BICC1: variants seen among roughly 807,000 people sequenced by gnomAD.
The protein encoded by BICC1 is protein bicaudal C homolog 1.
A neutral mutation model predicts 111.0 loss-of-function variants in BICC1; 43 were observed. The ratio of observed to expected loss-of-function variants is 0.39; its 90% confidence interval spans 0.30 to 0.50. BICC1 has a LOEUF of 0.50. Among genes scored for constraint, BICC1 ranks in the 20% least tolerant of loss-of-function variants. The pLI, the probability that BICC1 is intolerant of heterozygous loss-of-function variation, is 0.88. For missense variants in BICC1, 1,091 were observed against 1,203.2 expected (o/e 0.91, Z 1.38); for synonymous variants, 467 against 434.4 (o/e 1.07, Z -0.93).
chr10:58,732,308 G>C (rs1841325757), intron 3 of BICC1, among the ~76,000 whole-genome samples: 1 of 146,564 alleles, frequency 6.8e-6, no homozygotes, highest in East Asian at 2.0e-4. Context: ...AGGAAAGAGA[G>C]AGGAGAAGAG....
intron 14 of BICC1, 90 bp downstream of exon 14, chr10:58,801,136 T>C: frequency 1.8e-6 from 2 of 1,127,316 alleles, no homozygotes; most frequent in Non-Finnish European, 2.4e-6. Context: ...TTGATTCAAG[T>C]CATGTTTGAT....
In BICC1 at chr10:58,796,336, A is replaced by T. The variant is rs999266905; in HGVS notation, c.1180-4A>T. ...CTTTTTTCCCCCATTATGTGTTTTC[A>T]TAGTCTGTGATTGTGAAAAGTGTTG... On this transcript the variant is annotated splice_polypyrimidine_tract_variant and splice_region_variant and intron_variant, in intron 9 of 20. Transcript: ENST00000373886. The T allele has an allele frequency of 1.9e-6, 3 of 1,611,840 alleles. No individual in the cohort carries two copies. The East Asian group carries it at 6.7e-5, about 36-fold the overall frequency.
chr10:58,556,987 G>A (rs1415681631), intron 1 of BICC1, among the ~76,000 whole-genome samples: 2 of 151,972 alleles, frequency 1.3e-5, no homozygotes, highest in African/African-American at 2.4e-5. Context: ...ATGTTACCTC[G>A]CGTTGTAAAA....
chr10:58,529,659 G>C (rs757959980), intron 1 of BICC1, among the ~76,000 whole-genome samples: 2 of 151,676 alleles, frequency 1.3e-5, no homozygotes, highest in Non-Finnish European at 2.9e-5. Flanking sequence ...TAATCTGGGG[G>C]GAATTTTTTT....
intron 3 of BICC1, among the ~76,000 whole-genome samples, chr10:58,726,799 G>A (rs954408961): frequency 1.3e-5 from 2 of 152,282 alleles, no homozygotes; most frequent in South Asian, 4.2e-4. Flanking sequence ...GGAATGTTCT[G>A]CAGTCACTTC....
intron 2 of BICC1, among the ~76,000 whole-genome samples, chr10:58,674,486 A>G (rs777759295): frequency 6.6e-6 from 1 of 152,192 alleles, no homozygotes; most frequent in African/African-American, 2.4e-5. Context: ...TGTTAAAACC[A>G]TGCACTTCTG....
chr10:58,653,715 T>C (rs1838526696), intron 2 of BICC1, among the ~76,000 whole-genome samples: 2 of 151,726 alleles, frequency 1.3e-5, no homozygotes. Flanking sequence ...AGTTTTAGGG[T>C]ACATGTGCAC....
intron 19 of BICC1, 25 bp downstream of exon 19, chr10:58,817,747 G>C (rs1021740926): frequency 8.2e-6 from 13 of 1,582,162 alleles, no homozygotes; most frequent in African/African-American, 1.4e-5. Flanking sequence ...ATTTTCCCAA[G>C]TATCTTTGTT....
chr10:58,685,176 G>T (rs1219868905), intron 2 of BICC1, among the ~76,000 whole-genome samples: 4 of 152,054 alleles, frequency 2.6e-5, no homozygotes, highest in Non-Finnish European at 4.4e-5. Context: ...GTAGTTGAGG[G>T]GTTTTGAGTG....
At chr10:58,792,141 T>C (rs1450958042) in intron 8 of BICC1, among the ~76,000 whole-genome samples, 1 of 152,062 alleles carries the variant, frequency 6.6e-6, no homozygotes, top group Non-Finnish European at 1.5e-5. Context: ...TCTCCTGATA[T>C]CCATTTACAA....
chr10:58,655,171 T>G (rs1413220006), intron 2 of BICC1, among the ~76,000 whole-genome samples: 1 of 143,458 alleles, frequency 7.0e-6, no homozygotes, highest in Non-Finnish European at 1.5e-5. Flanking sequence ...TGCGGGCTCT[T>G]TTTTGGTTCC....
chr10:58,801,912 T>G (rs1843559074), intron 14 of BICC1, among the ~76,000 whole-genome samples: 1 of 152,222 alleles, frequency 6.6e-6, no homozygotes, highest in Non-Finnish European at 1.5e-5. Flanking sequence ...TTTACTTCCT[T>G]GAAACTATTG....
intron 1 of BICC1, among the ~76,000 whole-genome samples, chr10:58,583,641 T>C (rs1056222712): frequency 1.2e-4 from 17 of 147,636 alleles, no homozygotes; most frequent in Admixed American, 1.1e-3. Context: ...TACACACACA[T>C]ACCACATTTT....
intron 3 of BICC1, chr10:58,716,140 G>T: frequency 2.0e-6 from 3 of 1,503,652 alleles, no homozygotes; most frequent in South Asian, 1.2e-5. Context: ...GTCCTTGTAA[G>T]AATCAGAGTA....
chr10:58,572,820 G>A (rs1259801581), intron 1 of BICC1, among the ~76,000 whole-genome samples: 2 of 152,050 alleles, frequency 1.3e-5, no homozygotes, highest in East Asian at 1.9e-4. Flanking sequence ...ACAATACTAC[G>A]CCTTTGATCC....
chr10:58,542,099 T>C (rs1481537784), intron 1 of BICC1, among the ~76,000 whole-genome samples: 2 of 142,916 alleles, frequency 1.4e-5, no homozygotes, highest in East Asian at 2.0e-4. Context: ...AGCAGAGAGC[T>C]GTGATCACGC....
At chr10:58,574,227 GT>G (rs753373876) in intron 1 of BICC1, among the ~76,000 whole-genome samples, 1 of 152,142 alleles carries the variant, frequency 6.6e-6, no homozygotes, top group Non-Finnish European at 1.5e-5. Flanking sequence ...AGGATGTTTT[GT>G]GATTCTTCTG....
chr10:58,725,266 T>C (rs567120922), intron 3 of BICC1, among the ~76,000 whole-genome samples: 227 of 152,340 alleles, frequency 1.5e-3, no homozygotes, highest in African/African-American at 5.2e-3. Flanking sequence ...TGTGTAAGGA[T>C]GCAGTGAGGT....
At chr10:58,602,226 T>G (rs899106581) in intron 1 of BICC1, among the ~76,000 whole-genome samples, 3 of 152,192 alleles carry the variant, frequency 2.0e-5, no homozygotes, top group Non-Finnish European at 1.5e-5. Flanking sequence ...AGATTCATTT[T>G]AATTGAGATA....
Sources: gnomAD v4.1 joint callset for allele counts (sites outside exome capture counted in the v4.1 genomes callset) on GRCh38, gnomAD v4.1.1 for gene constraint, MANE v1.5 for transcripts, NCBI Gene and HGNC (gene_info 2026-07-23, HGNC 2026-07-21) for gene names.